MED27: variants seen among roughly 807,000 people sequenced by gnomAD.
MED27 encodes the protein mediator complex subunit 27, also known as mediator of RNA polymerase II transcription subunit 27.
MED27 carries 30 observed loss-of-function variants against 38.2 expected under a neutral mutation model. The ratio of observed to expected loss-of-function variants is 0.79; its 90% CI spans 0.59 to 1.07. The LOEUF is 1.07. Among genes scored for constraint, MED27 ranks in the 50% least tolerant of loss-of-function variants. The pLI, the probability that MED27 is intolerant of heterozygous loss-of-function variation, is 0.00. For missense variants in MED27, 289 were observed against 397.5 expected, an observed-to-expected ratio of 0.73 and a Z score of 2.32; for synonymous variants, 122 against 153.5, an observed-to-expected ratio of 0.79 and a Z score of 1.52.
rs1834135517 is a variant in MED27, at chr9:132,079,804, A to G, written c.41T>C (p.Phe14Ser). 6.2e-7 allele frequency: 1 copy of G among 1,612,832 alleles called. No individual in the cohort carries two copies. Among genetic ancestry groups the G allele is most frequent in the South Asian group, 1.1e-5 (1 of 90,924 alleles). The change falls in exon 1 of 8, where the codon TTT (phenylalanine) becomes TCT (serine). Residue 14 changes from phenylalanine (F) to serine (S), a missense_variant. Coordinates refer to ENST00000292035, the MANE Select transcript of MED27 (RefSeq NM_004269.4). ...VINVSVNLEA[F>S]SQAISAIQAL... is the part of the protein sequence containing the mutation. The stretch of plus-strand genomic sequence containing the variant: ...CTGGATGGCACTAATGGCCTGGGAA[A>G]AGGCCTCCAGGTTCACACTGACATT...
intron 3 of MED27, among the ~76,000 whole-genome samples, chr9:131,979,205 A>G (rs1480614724): frequency 7.9e-5 from 12 of 152,148 alleles, no homozygotes; most frequent in African/African-American, 2.9e-4. Context: ...CCCGAGGCAC[A>G]TAGCTGGAGG....
intron 2 of MED27, among the ~76,000 whole-genome samples, chr9:132,024,395 A>G (rs191956711): frequency 6.6e-6 from 1 of 152,352 alleles, no homozygotes; most frequent in Admixed American, 6.5e-5. Flanking sequence ...AGTGTCCAGC[A>G]CACTGCAAAC....
chr9:132,026,343 C>T (rs1832818181), intron 2 of MED27, among the ~76,000 whole-genome samples: 1 of 152,178 alleles, frequency 6.6e-6, no homozygotes, highest in African/African-American at 2.4e-5. Flanking sequence ...AAGTAGGCTG[C>T]CTTTCCCTTT....
At chr9:131,973,669 A>T (rs1168599615) in intron 3 of MED27, among the ~76,000 whole-genome samples, 1 of 151,614 alleles carries the variant, frequency 6.6e-6, no homozygotes, top group Admixed American at 6.6e-5. Flanking sequence ...ACAGCAGTTT[A>T]CAAAGATGAC....
In MED27 at chr9:131,872,258, C is replaced by T. The variant is rs945844137; in HGVS notation, c.724-9118G>A. Among the ~76,000 whole-genome samples the T allele has an allele frequency of 6.6e-6, 1 of 152,006 alleles. No homozygotes were observed. Among genetic ancestry groups the T allele is most frequent in the Non-Finnish European group, 1.5e-5 (1 of 67,992 alleles). On this transcript the variant is annotated intron_variant, in intron 6 of 7. Coordinates refer to ENST00000292035, the MANE Select transcript of MED27 (RefSeq NM_004269.4). The surrounding 1 kb of genome is among the most constrained non-coding windows in gnomAD (Gnocchi z 5.6). ...AGGGGACAGGACTGTGGCCGAGCAG[C>T]GCCTGGGGGAGCTGAGCTTGAACAG...
At chr9:132,057,273 G>A (rs1009024904) in intron 2 of MED27, among the ~76,000 whole-genome samples, 1 of 152,206 alleles carries the variant, frequency 6.6e-6, no homozygotes, top group Non-Finnish European at 1.5e-5. Context: ...CTGGTTTCAG[G>A]CAAGGCATGT....
intron 4 of MED27, among the ~76,000 whole-genome samples, chr9:131,902,723 G>T (rs1829973928): frequency 6.6e-6 from 1 of 152,156 alleles, no homozygotes; most frequent in Admixed American, 6.5e-5. Flanking sequence ...TGGCTCCCGT[G>T]TCCAGACTAG....
chr9:132,058,825 A>G (rs1833637937), intron 2 of MED27, among the ~76,000 whole-genome samples: 1 of 152,238 alleles, frequency 6.6e-6, no homozygotes, highest in Admixed American at 6.5e-5. Flanking sequence ...ATCACATGTC[A>G]CTTATTCTAA....
chr9:131,941,736 C>T (rs533703949), intron 3 of MED27, among the ~76,000 whole-genome samples: 3 of 151,308 alleles, frequency 2.0e-5, no homozygotes, highest in Non-Finnish European at 4.4e-5. Context: ...AGCACCATAC[C>T]GTGAGGATAT....
At chr9:132,062,452 A>G (rs1022356570) in intron 2 of MED27, among the ~76,000 whole-genome samples, 163 of 152,334 alleles carry the variant, frequency 1.1e-3, no homozygotes, top group African/African-American at 3.7e-3. Flanking sequence ...CCATCTGAAC[A>G]TGGCAACAGC....
At chr9:131,873,786 C>G (rs1391428984) in intron 6 of MED27, among the ~76,000 whole-genome samples, 3 of 152,222 alleles carry the variant, frequency 2.0e-5, no homozygotes, top group Admixed American at 6.5e-5. Flanking sequence ...AGATCAAGCT[C>G]TGTGTCTGAG....
chr9:132,027,241 A>G (rs997688438), intron 2 of MED27, among the ~76,000 whole-genome samples: 7 of 152,204 alleles, frequency 4.6e-5, no homozygotes, highest in African/African-American at 1.7e-4. Context: ...TTACCCAGGT[A>G]GTAAGGGTCC....
chr9:131,875,868 C>T (rs1390962677), intron 6 of MED27, among the ~76,000 whole-genome samples: 1 of 152,208 alleles, frequency 6.6e-6, no homozygotes, highest in African/African-American at 2.4e-5. Flanking sequence ...CCTCGGCCTC[C>T]CAGAGTGCTG....
At chr9:131,972,687 G>C (rs1447475050) in intron 3 of MED27, among the ~76,000 whole-genome samples, 1 of 152,166 alleles carries the variant, frequency 6.6e-6, no homozygotes. Flanking sequence ...ATGGGAACAA[G>C]GTCAAGAAGA....
intron 3 of MED27, among the ~76,000 whole-genome samples, chr9:131,957,234 C>T (rs1831124152): frequency 6.6e-6 from 1 of 151,778 alleles, no homozygotes; most frequent in African/African-American, 2.4e-5. Flanking sequence ...CACTTGTACA[C>T]AAATGCTCAT....
chr9:131,995,564 A>C lies in MED27; in HGVS notation c.479+18773T>G, dbSNP rs150969355. The stretch of plus-strand genomic sequence containing the variant: ...CAGAAATAGACACGCCTTCCAACTA[A>C]GGGTTTGCCCTTCTGACTCACAGGG... On this transcript the variant is annotated intron_variant, in intron 3 of 7. Coordinates refer to ENST00000292035, the MANE Select transcript of MED27 (RefSeq NM_004269.4). 5.2e-3 allele frequency among the ~76,000 whole-genome samples: 796 copies of C among 152,286 alleles called. 14 individuals are homozygous for C. Among genetic ancestry groups the C allele is most frequent in the African/African-American group, 0.018 (735 of 41,546 alleles).
intron 5 of MED27, among the ~76,000 whole-genome samples, chr9:131,887,766 C>T (rs1165349488): frequency 6.6e-6 from 1 of 152,128 alleles, no homozygotes; most frequent in Non-Finnish European, 1.5e-5. Flanking sequence ...AAAAAGAAAG[C>T]GAAGCACCCT....
At chr9:131,973,958 C>G (rs1021281270) in intron 3 of MED27, among the ~76,000 whole-genome samples, 2 of 152,086 alleles carry the variant, frequency 1.3e-5, no homozygotes, top group Non-Finnish European at 2.9e-5. Flanking sequence ...AGTGATCCAC[C>G]CGCCTTGGCC....
chr9:131,954,045 C>T (rs1433654798), intron 3 of MED27, among the ~76,000 whole-genome samples: 1 of 152,176 alleles, frequency 6.6e-6, no homozygotes, highest in Non-Finnish European at 1.5e-5. Context: ...CTCAGATGAT[C>T]CGCCCGCCTC....
Sources: gnomAD v4.1 joint callset for allele counts (sites outside exome capture counted in the v4.1 genomes callset) on GRCh38, gnomAD v4.1.1 for gene constraint, Gnocchi (gnomAD v3.1) non-coding constraint, MANE v1.5 for transcripts, NCBI Gene and HGNC (gene_info 2026-07-23, HGNC 2026-07-21) for gene names.